The following KDM4B variants were observed in gnomAD, a reference collection of about 807,000 sequenced individuals.
The protein encoded by KDM4B is lysine-specific demethylase 4B.
A neutral mutation model predicts 125.2 loss-of-function variants in KDM4B; 32 were observed. That is an observed-to-expected ratio of 0.26 (90% CI 0.19 to 0.34). KDM4B has a LOEUF of 0.34. Ranked by LOEUF, KDM4B falls within the 10% of genes least tolerant of loss-of-function variation. The pLI, the probability that KDM4B is intolerant of heterozygous loss-of-function variation, is 1.00. For missense variants in KDM4B, 1,190 were observed against 1,577.7 expected, an observed-to-expected ratio of 0.75 and a Z score of 4.16; for synonymous variants, 721 against 677.9, an observed-to-expected ratio of 1.06 and a Z score of -0.99.
intron 4 of KDM4B, among the ~76,000 whole-genome samples, chr19:5,040,579 T>C (rs1385506191): frequency 6.6e-6 from 1 of 152,178 alleles, no homozygotes; most frequent in Non-Finnish European, 1.5e-5. Context: ...CACCTGCGTG[T>C]ACCGGCAGTG....
intron 6 of KDM4B, among the ~76,000 whole-genome samples, chr19:5,067,056 G>A (rs1427118882): frequency 6.6e-6 from 1 of 152,166 alleles, no homozygotes; most frequent in Non-Finnish European, 1.5e-5. Flanking sequence ...CCAGGGGCCT[G>A]CAGTGGGTGC....
At chr19:5,052,249 C>G (rs1319981036) in intron 6 of KDM4B, among the ~76,000 whole-genome samples, 1 of 152,042 alleles carries the variant, frequency 6.6e-6, no homozygotes, top group African/African-American at 2.4e-5. Flanking sequence ...TGAGTCCTAG[C>G]AGGCATAGCC....
chr19:5,033,320 A>C (rs2036517934), intron 3 of KDM4B, among the ~76,000 whole-genome samples: 1 of 152,216 alleles, frequency 6.6e-6, no homozygotes, highest in African/African-American at 2.4e-5. Flanking sequence ...GCCCAGGGGC[A>C]GTGGGCCACC....
chr19:4,984,020 C>G (rs927129596), intron 1 of KDM4B, among the ~76,000 whole-genome samples: 1 of 152,208 alleles, frequency 6.6e-6, no homozygotes, highest in African/African-American at 2.4e-5. Context: ...GCAATTCTGT[C>G]TCTTAAGGGA....
chr19:5,050,280 C>T (rs1000778940), intron 6 of KDM4B, among the ~76,000 whole-genome samples: 5 of 152,252 alleles, frequency 3.3e-5, no homozygotes, highest in African/African-American at 1.2e-4. Flanking sequence ...CAGGCAGAAA[C>T]ATGCTTCAAA....
chr19:4,974,222 C>T (rs1258554456), intron 1 of KDM4B, among the ~76,000 whole-genome samples: 2 of 151,558 alleles, frequency 1.3e-5, no homozygotes, highest in Non-Finnish European at 2.9e-5. Flanking sequence ...ACCGTGAAAC[C>T]CCGTCTCTAC....
At chr19:5,149,848 G>A (rs1174243258) in intron 21 of KDM4B, among the ~76,000 whole-genome samples, 1 of 152,356 alleles carries the variant, frequency 6.6e-6, no homozygotes, top group South Asian at 2.1e-4. Context: ...TGACTGAGCT[G>A]TTTTCAGAGG....
intron 6 of KDM4B, among the ~76,000 whole-genome samples, chr19:5,057,697 G>A (rs1211924033): frequency 1.3e-5 from 2 of 152,282 alleles, no homozygotes; most frequent in East Asian, 1.9e-4. Context: ...CCCTTGAAGC[G>A]CTGCCCTGTG....
intron 11 of KDM4B, among the ~76,000 whole-genome samples, chr19:5,125,483 CGT>C (rs1316916582): frequency 1.3e-5 from 2 of 152,222 alleles, no homozygotes; most frequent in Admixed American, 6.5e-5. Flanking sequence ...ACCAATGGCT[CGT>C]CCAGCTGCCT....
intron 7 of KDM4B, chr19:5,074,572 G>A (rs1385256355): frequency 6.6e-6 from 1 of 152,270 alleles, no homozygotes; most frequent in Non-Finnish European, 1.5e-5. Context: ...GCATTAAAAA[G>A]AGGAACTGCG....
chr19:5,030,297 T>C (rs2036410552), intron 2 of KDM4B, among the ~76,000 whole-genome samples: 1 of 152,140 alleles, frequency 6.6e-6, no homozygotes, highest in Admixed American at 6.5e-5. Flanking sequence ...GAGCACAAGT[T>C]TGAGGCATCC....
At chr19:4,996,765 C>G (rs545371298) in intron 1 of KDM4B, among the ~76,000 whole-genome samples, 42 of 152,254 alleles carry the variant, frequency 2.8e-4, no homozygotes, top group African/African-American at 8.4e-4. Flanking sequence ...TAGCCTTTGC[C>G]TGCTTGTTGA....
intron 2 of KDM4B, among the ~76,000 whole-genome samples, chr19:5,021,106 C>T (rs1009172194): frequency 2.3e-4 from 34 of 151,056 alleles, no homozygotes; most frequent in African/African-American, 8.0e-4. Flanking sequence ...GATCGCACCA[C>T]TGCACTCCAC....
chr19:5,019,904 AGGTGTTGGTGTGGATGTTGGTGTG>A (rs2036045061), intron 2 of KDM4B, among the ~76,000 whole-genome samples: 1 of 102,564 alleles, frequency 9.8e-6, no homozygotes, highest in African/African-American at 4.0e-5. Context: ...GTTAGTGTGC[AGGTGTTGGTGTGGATGTTGGTGTG>A]GGTGTTGGTG....
At chr19:5,064,550 C>T (rs1049557590) in intron 6 of KDM4B, among the ~76,000 whole-genome samples, 7 of 152,110 alleles carry the variant, frequency 4.6e-5, no homozygotes, top group South Asian at 2.1e-4. Flanking sequence ...CAGGCTGGGC[C>T]GTGGGTTGGA....
At chr19:5,021,081 G>A (rs1468173829) in intron 2 of KDM4B, among the ~76,000 whole-genome samples, 1 of 151,710 alleles carries the variant, frequency 6.6e-6, no homozygotes, top group Non-Finnish European at 1.5e-5. Context: ...GGGGGCAGAG[G>A]TTGCAGTGAG....
intron 1 of KDM4B, among the ~76,000 whole-genome samples, chr19:4,977,828 A>G (rs1417025161): frequency 2.6e-5 from 4 of 152,090 alleles, no homozygotes; most frequent in Non-Finnish European, 4.4e-5. Flanking sequence ...GCCCTTGGGG[A>G]CAGCCCTTGA....
chr19:5,150,932 C>T (rs1352896277), intron 22 of KDM4B, among the ~76,000 whole-genome samples: 3 of 152,228 alleles, frequency 2.0e-5, no homozygotes, highest in East Asian at 1.9e-4. Flanking sequence ...CTCCAGCTTT[C>T]GCTCCCCCAG....
At chr19:5,097,294 A>G in intron 9 of KDM4B, among the ~76,000 whole-genome samples, 1 of 152,204 alleles carries the variant, frequency 6.6e-6, no homozygotes. Flanking sequence ...CAAAAACTCC[A>G]GATTGGAGTG....
Sources: gnomAD v4.1 joint callset for allele counts (sites outside exome capture counted in the v4.1 genomes callset) on GRCh38, gnomAD v4.1.1 for gene constraint, MANE v1.5 for transcripts, NCBI Gene and HGNC (gene_info 2026-07-23, HGNC 2026-07-21) for gene names.